The following KRT75 variants were observed in gnomAD, a reference collection of about 807,000 sequenced individuals.
The protein encoded by KRT75 is keratin 75.
A neutral mutation model predicts 48.8 loss-of-function variants in KRT75; 35 were observed. The ratio of observed to expected loss-of-function variants is 0.72; its 90% CI spans 0.55 to 0.95. The LOEUF is 0.95. Ranked by LOEUF, KRT75 falls within the 40% of genes least tolerant of loss-of-function variation. The pLI is 0.00. For missense variants in KRT75, 776 were observed against 709.9 expected (o/e 1.09, Z -1.06); for synonymous variants, 301 against 282.3 (o/e 1.07, Z -0.66).
At position 52,433,001 on chromosome 12, in the gene KRT75, A is replaced by G. The variant is rs1432604004; in HGVS notation, c.713+37T>C. 4 of 1,601,408 alleles carry G rather than the reference A, an allele frequency of 2.5e-6. No homozygotes were observed. The Admixed American group carries it at 5.0e-5, about 20-fold the overall frequency. ...GGTCCTCACACAAAGGAGCCTTCAG[A>G]TGGCTGTGTGTGGCCAGAAGCCAGT... On this transcript the variant is annotated intron_variant, in intron 2 of 8. Transcript: ENST00000252245.
intron 8 of KRT75, among the ~76,000 whole-genome samples, chr12:52,426,501 C>T (rs1259767454): frequency 6.6e-6 from 1 of 152,054 alleles, no homozygotes; most frequent in Non-Finnish European, 1.5e-5. Context: ...CTTGCAGCCC[C>T]AACAAAAAGG....
rs1285143883 is a variant in KRT75 at position 52,430,595 on chromosome 12, G to A, written c.981C>T (p.Tyr327=). 8.7e-6 allele frequency: 14 copies of A among 1,614,008 alleles called. No homozygotes were observed. In the East Asian group the frequency reaches 2.9e-4, roughly 33 times the overall value. ...DSIIAEVKAQ[Y]EDIANRSRAE... is the part of the protein sequence containing the mutation. ...CCCGGCTGCGGTTGGCAATGTCCTC[G>A]TATTGTGCTTTGACCTCGGCGATGA... The change falls in exon 5 of 9, where the codon TAC becomes TAT. Residue 327 remains tyrosine, a synonymous_variant. Coordinates refer to ENST00000252245, the MANE Select transcript of KRT75 (RefSeq NM_004693.3).
At chr12:52,429,785 A>G (rs891313520) in intron 5 of KRT75, among the ~76,000 whole-genome samples, 2 of 152,210 alleles carry the variant, frequency 1.3e-5, no homozygotes, top group Admixed American at 6.5e-5. Context: ...GAGCAGGGAA[A>G]GAGTTGGAAC....
At chr12:52,429,365 A>C (rs1341245300) in intron 5 of KRT75, among the ~76,000 whole-genome samples, 1 of 152,140 alleles carries the variant, frequency 6.6e-6, no homozygotes, top group African/African-American at 2.4e-5. Flanking sequence ...AATTTTGAAG[A>C]CTTTGTAAAA....
rs1940166816 is a variant in KRT75 at position 52,433,086 on chromosome 12, T to G, written c.665A>C (p.Glu222Ala). Reference sequence around the variant, plus strand: ...ATCCTGCATGTTCCTCAGTTCAGCTTCAAGCCTGCCCCTCTCGGTGGTGAT... The same window carrying G: ...ATCCTGCATGTTCCTCAGTTCAGCTGCAAGCCTGCCCCTCTCGGTGGTGAT... ...ESITTERGRL[E>A]AELRNMQDVV... The change falls in exon 2 of 9, where the codon GAA (glutamate) becomes GCA (alanine). Residue 222 changes from glutamate (E) to alanine (A), a missense_variant. Glu to Ala is a moderately radical substitution (Grantham distance 107). Coordinates refer to ENST00000252245, the MANE Select transcript of KRT75 (RefSeq NM_004693.3). 3.1e-6 allele frequency: 5 copies of G among 1,613,718 alleles called. No homozygotes were observed. Among genetic ancestry groups the G allele is most frequent in the Admixed American group, 1.7e-5 (1 of 59,942 alleles).
rs1444521517 is a variant in KRT75 at position 52,434,126 on chromosome 12, C to T, written c.179G>A (p.Arg60His). The change falls in exon 1 of 9, where the codon CGC becomes CAC. Residue 60 changes from arginine to histidine, a missense_variant. Physicochemically the swap from Arg to His is conservative, Grantham distance 29. Coordinates refer to ENST00000252245, the MANE Select transcript of KRT75 (RefSeq NM_004693.3). ...GGCACCCCCCAGGTTGTAGAGGCTG[C>T]GGCTTCCAAAGCTGGCCCCAGCACT... ...ISSAGASFGS[R>H]SLYNLGGAKR... The T allele has an allele frequency of 8.7e-6, 14 of 1,614,108 alleles. No individual in the cohort carries two copies. The highest frequency in any genetic ancestry group is 1.3e-5 in the African/African-American group (1 of 75,040).
chr12:52,428,561 A>G, intron 6 of KRT75, 57 bp downstream of exon 6: 1 of 1,613,980 alleles, frequency 6.2e-7, no homozygotes, highest in Non-Finnish European at 8.5e-7. Flanking sequence ...TAAAGATGGC[A>G]GAAAGGCCCA....
At chr12:52,429,688 G>A (rs539472646) in intron 5 of KRT75, among the ~76,000 whole-genome samples, 7 of 152,094 alleles carry the variant, frequency 4.6e-5, no homozygotes, top group South Asian at 2.1e-4. Flanking sequence ...CCGTCAAGGC[G>A]CTGCCTCTGC....
At chr12:52,432,205 T>A in intron 2 of KRT75, 139 bp from the exon 3 acceptor site, 1 of 742,258 alleles carries the variant, frequency 1.3e-6, no homozygotes, top group South Asian at 1.6e-5. Flanking sequence ...GTGATTCATT[T>A]AACCTCTATT....
At position 52,434,005 on chromosome 12, in the gene KRT75, A is replaced by G. The variant is rs1940184031; in HGVS notation, c.300T>C (p.Tyr100=). 1.2e-6 allele frequency: 2 copies of G among 1,614,100 alleles called. No homozygotes were observed. The highest frequency in any genetic ancestry group is 1.7e-6 in the Non-Finnish European group (2 of 1,179,996). ...NRFGVNSGFG[Y]GGGVGGGFSG... ...TGAAGCCTCCTCCAACTCCACCCCCATAGCCAAATCCACTGTTGACTCCAA... is the reference window on the plus strand; with the variant it reads ...TGAAGCCTCCTCCAACTCCACCCCCGTAGCCAAATCCACTGTTGACTCCAA... Residue 100 remains tyrosine, a synonymous_variant, in exon 1 of 9, where the codon TAT becomes TAC. Coordinates refer to ENST00000252245, the MANE Select transcript of KRT75 (RefSeq NM_004693.3).
chr12:52,431,675 A>G (rs759750920), intron 3 of KRT75, 37 bp from the exon 4 acceptor site: 2 of 1,413,490 alleles, frequency 1.4e-6, no homozygotes, highest in Non-Finnish European at 2.0e-6. Context: ...TTGAGTCTGC[A>G]GCCCCAAGTA....
chr12:52,428,277 A>G lies in KRT75; in HGVS notation c.1361T>C (p.Leu454Pro). The G allele has an allele frequency of 1.2e-6, 2 of 1,614,058 alleles. No homozygotes were observed. Among genetic ancestry groups the G allele is most frequent in the Non-Finnish European group, 1.7e-6 (2 of 1,180,016 alleles). The change falls in exon 7 of 9, where the codon CTG (leucine) becomes CCG (proline). Residue 454 changes from leucine (L) to proline (P), a missense_variant. Transcript: ENST00000252245. ...LDVEIATYRKLLEGEECRLSG... is the reference protein window; with the variant it reads ...LDVEIATYRKPLEGEECRLSG... ...TCACCTGCACTCCTCGCCTTCCAGCAGCTTGCGGTAGGTGGCGATCTCCAC... is the reference window on the plus strand; with the variant it reads ...TCACCTGCACTCCTCGCCTTCCAGCGGCTTGCGGTAGGTGGCGATCTCCAC...
intron 1 of KRT75, 61 bp downstream of exon 1, chr12:52,433,746 T>A (rs1177991820): frequency 6.2e-7 from 1 of 1,611,098 alleles, no homozygotes; most frequent in East Asian, 2.2e-5. Flanking sequence ...CCCCATGGGA[T>A]GGCCCTTCCA....
At chr12:52,427,254 T>C (rs1940086334) in intron 7 of KRT75, among the ~76,000 whole-genome samples, 2 of 152,200 alleles carry the variant, frequency 1.3e-5, no homozygotes, top group African/African-American at 4.8e-5. Context: ...TGTATATAGG[T>C]GTGGAGAGGC....
intron 5 of KRT75, among the ~76,000 whole-genome samples, 178 bp from the exon 6 acceptor site, chr12:52,428,921 A>G (rs1188799677): frequency 6.6e-6 from 1 of 152,212 alleles, no homozygotes; most frequent in East Asian, 1.9e-4. Context: ...TTAGCATATT[A>G]TCAAATGTAT....
In KRT75 at chr12:52,424,559, A is replaced by G. The variant is rs1246264540; in HGVS notation, c.1614T>C (p.Phe538=). 1 of 1,614,156 alleles carries G rather than the reference A, an allele frequency of 6.2e-7. No homozygotes were observed. The highest frequency in any genetic ancestry group is 8.5e-7 in the Non-Finnish European group (1 of 1,180,018). Residue 538 remains phenylalanine, a synonymous_variant, in exon 9 of 9, where the codon TTT becomes TTC. Transcript: ENST00000252245. ...GLGGSGSSVK[F]VSTTSSSQKS... is the part of the protein sequence containing the mutation. Reference sequence around the variant, plus strand: ...TCTGGCTGGAGGATGTGGTGGAGACAAACTTGACGCTAGAACCACTGCCCC... The same window carrying G: ...TCTGGCTGGAGGATGTGGTGGAGACGAACTTGACGCTAGAACCACTGCCCC...
chr12:52,424,101 C>A lies in KRT75; in HGVS notation c.*416G>T. ...ACACATGCATTTAATAGACACATTC[C>A]AGGGAGGGAACAGAGGGAGCACTCA... On this transcript the variant is annotated 3_prime_UTR_variant, in exon 9 of 9. Transcript: ENST00000252245. 6.7e-6 allele frequency: 2 copies of A among 300,420 alleles called. No individual in the cohort carries two copies. Among genetic ancestry groups the A allele is most frequent in the Non-Finnish European group, 1.3e-5 (2 of 153,372 alleles). 18.6% of individuals were successfully genotyped at this position (300,420 alleles called of 1,614,324 possible). A position where few individuals can be genotyped will look rare whatever the true frequency, so the allele number is the denominator to read the frequency against.
intron 8 of KRT75, among the ~76,000 whole-genome samples, chr12:52,426,527 G>A (rs1353329030): frequency 2.0e-5 from 3 of 152,216 alleles, no homozygotes; most frequent in Non-Finnish European, 4.4e-5. Context: ...AATTCTGGGA[G>A]GTAGGAGATG....
At chr12:52,430,834 A>G in intron 4 of KRT75, 129 bp from the exon 5 acceptor site, 1 of 1,021,564 alleles carries the variant, frequency 9.8e-7, no homozygotes, top group East Asian at 2.5e-5. Context: ...GCTATTCCCT[A>G]GGTATTCCCA....
Sources: gnomAD v4.1 joint callset for allele counts (sites outside exome capture counted in the v4.1 genomes callset) on GRCh38, gnomAD v4.1.1 for gene constraint, MANE v1.5 for transcripts, NCBI Gene and HGNC (gene_info 2026-07-23, HGNC 2026-07-21) for gene names.